Variants in TCF12 observed in about 807,000 individuals in gnomAD.
TCF12 encodes the protein transcription factor 12, also known as DNA-binding protein HTF4.
Under a neutral mutation model 86.0 loss-of-function variants are expected in TCF12, and 45 were observed. The observed-to-expected ratio is 0.52, with a 90% CI of 0.41 to 0.67. TCF12 has a LOEUF of 0.67. Among genes scored for constraint, TCF12 ranks in the 30% least tolerant of loss-of-function variants. The pLI is 0.00. For synonymous variants in TCF12, 330 were observed against 299.6 expected, an observed-to-expected ratio of 1.10 and a Z score of -1.05; for missense variants, 881 against 859.9, an observed-to-expected ratio of 1.02 and a Z score of -0.31.
intron 3 of TCF12, among the ~76,000 whole-genome samples, chr15:56,961,401 C>G (rs912893835): frequency 1.1e-4 from 17 of 152,262 alleles, no homozygotes; most frequent in African/African-American, 4.1e-4. Flanking sequence ...TTTTAAGTAT[C>G]AGGTATCCAA....
chr15:56,937,970 A>G (rs2060540857), intron 3 of TCF12, among the ~76,000 whole-genome samples: 1 of 109,630 alleles, frequency 9.1e-6, no homozygotes, highest in South Asian at 2.8e-4. Context: ...TTTGTTACAG[A>G]TTTTTGCATC....
intron 7 of TCF12, among the ~76,000 whole-genome samples, chr15:57,196,578 T>C (rs1307846718): frequency 6.6e-6 from 1 of 152,232 alleles, no homozygotes; most frequent in Non-Finnish European, 1.5e-5. Context: ...CCATTTTTTG[T>C]GTAAACCTGG....
At chr15:57,254,036 A>G (rs2060235283) in intron 16 of TCF12, among the ~76,000 whole-genome samples, 1 of 152,202 alleles carries the variant, frequency 6.6e-6, no homozygotes, top group Non-Finnish European at 1.5e-5. Flanking sequence ...TGTTCGTTCT[A>G]CAGCCATACA....
At chr15:57,059,173 T>G (rs2068256476) in intron 3 of TCF12, among the ~76,000 whole-genome samples, 1 of 152,202 alleles carries the variant, frequency 6.6e-6, no homozygotes, top group African/African-American at 2.4e-5. Context: ...CTTTCTAGAA[T>G]AAAAATTTGA....
intron 3 of TCF12, among the ~76,000 whole-genome samples, chr15:57,039,126 C>G (rs1232849032): frequency 6.6e-6 from 1 of 152,096 alleles, no homozygotes; most frequent in African/African-American, 2.4e-5. Context: ...AGAAAGTATT[C>G]TTCCACTTGT....
intron 3 of TCF12, among the ~76,000 whole-genome samples, chr15:56,924,472 T>C (rs1281320004): frequency 6.6e-6 from 1 of 152,226 alleles, no homozygotes; most frequent in East Asian, 1.9e-4. Context: ...TGTACCACTG[T>C]AGGTTTTTAC....
chr15:57,112,445 C>T (rs552492732), intron 5 of TCF12, among the ~76,000 whole-genome samples: 13 of 152,092 alleles, frequency 8.5e-5, no homozygotes, highest in Non-Finnish European at 1.3e-4. Flanking sequence ...TAACTGTGAC[C>T]GATTGTGCCT....
intron 12 of TCF12, among the ~76,000 whole-genome samples, chr15:57,242,205 G>A (rs1339942802): frequency 6.6e-6 from 1 of 152,130 alleles, no homozygotes; most frequent in African/African-American, 2.4e-5. Context: ...TCTACTGGAT[G>A]ACTTTTTGCA....
chr15:57,119,294 T>TTTG (rs1567459795), intron 5 of TCF12, among the ~76,000 whole-genome samples: 39 of 151,002 alleles, frequency 2.6e-4, no homozygotes, highest in South Asian at 6.3e-4. Flanking sequence ...TTGTTTGTTT[T>TTTG]TTTGTTTTTT....
intron 3 of TCF12, among the ~76,000 whole-genome samples, chr15:56,975,632 G>T (rs773726855): frequency 1.6e-4 from 22 of 139,198 alleles, no homozygotes; most frequent in Non-Finnish European, 2.4e-4. Context: ...AAAACTAGGG[G>T]TTTTTTTTGT....
chr15:57,122,972 C>T (rs1046563184), intron 5 of TCF12, among the ~76,000 whole-genome samples: 1 of 152,146 alleles, frequency 6.6e-6, no homozygotes. Flanking sequence ...GGAAAGGGGT[C>T]TCAGATTATT....
chr15:57,106,704 G>T (rs976426425), intron 5 of TCF12, among the ~76,000 whole-genome samples: 15 of 152,118 alleles, frequency 9.9e-5, no homozygotes, highest in Admixed American at 3.9e-4. Flanking sequence ...AATATATAAA[G>T]AACTTCTAAA....
intron 3 of TCF12, among the ~76,000 whole-genome samples, chr15:57,032,070 GA>G (rs2066231068): frequency 6.6e-6 from 1 of 152,136 alleles, no homozygotes; most frequent in South Asian, 2.1e-4. Context: ...CAGGAGGACA[GA>G]AAAAGATATC....
intron 3 of TCF12, among the ~76,000 whole-genome samples, chr15:57,036,795 G>A (rs966852447): frequency 2.0e-5 from 3 of 151,896 alleles, no homozygotes; most frequent in African/African-American, 7.3e-5. Context: ...TCATTTTCAT[G>A]ATGTCCTGTT....
chr15:57,199,199 G>A (rs555160401), intron 8 of TCF12, among the ~76,000 whole-genome samples: 2 of 152,058 alleles, frequency 1.3e-5, no homozygotes, highest in African/African-American at 4.8e-5. Flanking sequence ...CCGAAGACAG[G>A]AATTTTTTTT....
At chr15:57,017,267 G>A (rs975176931) in intron 3 of TCF12, among the ~76,000 whole-genome samples, 35 of 152,266 alleles carry the variant, frequency 2.3e-4, no homozygotes, top group Non-Finnish European at 4.9e-4. Flanking sequence ...AATTTCAAAG[G>A]CATATACCCT....
chr15:56,959,930 T>G (rs2061669496), intron 3 of TCF12, among the ~76,000 whole-genome samples: 1 of 152,200 alleles, frequency 6.6e-6, no homozygotes, highest in Non-Finnish European at 1.5e-5. Flanking sequence ...TTCCAATTTT[T>G]TGACAACTTG....
intron 5 of TCF12, among the ~76,000 whole-genome samples, chr15:57,150,216 T>TC (rs2053642178): frequency 6.6e-6 from 1 of 152,182 alleles, no homozygotes; most frequent in African/African-American, 2.4e-5. Context: ...GCAAGGGAGC[T>TC]CAAGATCTTT....
intron 3 of TCF12, among the ~76,000 whole-genome samples, chr15:57,024,358 C>T (rs1487590163): frequency 6.6e-6 from 1 of 151,148 alleles, no homozygotes; most frequent in African/African-American, 2.4e-5. Flanking sequence ...AGATTACAGG[C>T]GCCCGCCACC....
Sources: gnomAD v4.1 joint callset for allele counts (sites outside exome capture counted in the v4.1 genomes callset) on GRCh38, gnomAD v4.1.1 for gene constraint, MANE v1.5 for transcripts, NCBI Gene and HGNC (gene_info 2026-07-23, HGNC 2026-07-21) for gene names.